FRY: variants seen among roughly 807,000 people sequenced by gnomAD.
FRY encodes protein furry homolog.
A neutral mutation model predicts 348.4 loss-of-function variants in FRY; 128 were observed. The ratio of observed to expected loss-of-function variants is 0.37; its 90% CI spans 0.32 to 0.43. The LOEUF is 0.43. Among genes scored for constraint, FRY ranks in the 20% least tolerant of loss-of-function variants. The pLI is 1.00. For synonymous variants in FRY, 1,370 were observed against 1,374.7 expected, an observed-to-expected ratio of 1.00 and a Z score of 0.08; for missense variants, 2,736 against 3,695.2, an observed-to-expected ratio of 0.74 and a Z score of 6.73.
At chr13:32,061,178 C>T (rs777187761) in intron 1 of FRY, 2 of 533,124 alleles carry the variant, frequency 3.8e-6, no homozygotes, top group Admixed American at 3.9e-5. Flanking sequence ...GTATGAAAGG[C>T]TGTTAATATG....
intron 24 of FRY, among the ~76,000 whole-genome samples, chr13:32,183,438 T>C (rs1299475849): frequency 1.3e-5 from 2 of 151,690 alleles, no homozygotes; most frequent in Admixed American, 1.3e-4. Context: ...TGAAGTGAAT[T>C]CTGAAAAGGA....
chr13:32,089,149 A>G (rs540210947), intron 2 of FRY, among the ~76,000 whole-genome samples: 2 of 152,326 alleles, frequency 1.3e-5, no homozygotes, highest in African/African-American at 4.8e-5. Flanking sequence ...AGCAATAGCA[A>G]GTTTTACTAT....
intron 3 of FRY, among the ~76,000 whole-genome samples, chr13:32,105,173 G>C (rs1047429239): frequency 1.3e-5 from 2 of 152,202 alleles, no homozygotes; most frequent in African/African-American, 4.8e-5. Flanking sequence ...GTATCAAGAG[G>C]TAGGGCCTTT....
intron 47 of FRY, among the ~76,000 whole-genome samples, chr13:32,246,862 A>G (rs756804144): frequency 6.6e-6 from 1 of 152,214 alleles, no homozygotes; most frequent in Non-Finnish European, 1.5e-5. Flanking sequence ...AAGTGAGAAG[A>G]AAAGAGGGCT....
chr13:32,201,852 G>A, intron 29 of FRY, 89 bp from the exon 30 acceptor site: 1 of 811,770 alleles, frequency 1.2e-6, no homozygotes, highest in Non-Finnish European at 2.2e-6. Context: ...ACCGAGGTCA[G>A]CATGCCAGCT....
At chr13:32,071,845 C>T (rs1253097532) in intron 1 of FRY, among the ~76,000 whole-genome samples, 1 of 151,766 alleles carries the variant, frequency 6.6e-6, no homozygotes, top group Non-Finnish European at 1.5e-5. Context: ...ATATTATACA[C>T]TTAAAAATTT....
chr13:32,122,131 A>C (rs1193798557), intron 4 of FRY, among the ~76,000 whole-genome samples: 1 of 152,150 alleles, frequency 6.6e-6, no homozygotes, highest in Non-Finnish European at 1.5e-5. Flanking sequence ...TCACATGTTC[A>C]TCCCAATAGA....
chr13:32,251,566 C>G (rs1566169456), intron 49 of FRY, among the ~76,000 whole-genome samples: 3 of 151,880 alleles, frequency 2.0e-5, no homozygotes, highest in Non-Finnish European at 4.4e-5. Context: ...CACTGTCCAG[C>G]AGAAACATAA....
chr13:32,253,466 T>A (rs546729329), intron 50 of FRY, among the ~76,000 whole-genome samples: 34 of 152,358 alleles, frequency 2.2e-4, no homozygotes, highest in African/African-American at 8.2e-4. Context: ...TTTTCTTTAA[T>A]ATCTATCTAT....
intron 30 of FRY, 88 bp downstream of exon 30, chr13:32,202,128 A>T (rs1219625234): frequency 4.5e-6 from 4 of 883,178 alleles, no homozygotes; most frequent in Non-Finnish European, 3.9e-6. Context: ...CTGTTTATTG[A>T]TAGGCCTTTG....
chr13:32,156,487 G>A (rs867820804), intron 15 of FRY, among the ~76,000 whole-genome samples: 7 of 151,626 alleles, frequency 4.6e-5, no homozygotes, highest in African/African-American at 1.5e-4. Context: ...TGTAATCCCA[G>A]CAACTTGGGA....
intron 28 of FRY, 114 bp from the exon 29 acceptor site, chr13:32,194,029 C>T (rs1440556240): frequency 1.9e-6 from 2 of 1,064,244 alleles, no homozygotes; most frequent in Non-Finnish European, 2.9e-6. Context: ...AAAATGAAAG[C>T]TCGGTCTTCC....
At chr13:32,168,838 A>G (rs1881896861) in intron 17 of FRY, among the ~76,000 whole-genome samples, 1 of 152,230 alleles carries the variant, frequency 6.6e-6, no homozygotes, top group African/African-American at 2.4e-5. Flanking sequence ...TTTATAAAAT[A>G]AGACAAGAGT....
At chr13:32,091,776 T>C (rs1210647055) in intron 2 of FRY, among the ~76,000 whole-genome samples, 1 of 152,224 alleles carries the variant, frequency 6.6e-6, no homozygotes, top group Non-Finnish European at 1.5e-5. Context: ...ATTTCACTGC[T>C]GCTGATATCA....
At chr13:32,261,072 A>G (rs566183802) in intron 51 of FRY, among the ~76,000 whole-genome samples, 1 of 152,352 alleles carries the variant, frequency 6.6e-6, no homozygotes, top group Non-Finnish European at 1.5e-5. Context: ...AGCTGCTCTG[A>G]TAGTCTTTAA....
intron 31 of FRY, among the ~76,000 whole-genome samples, chr13:32,205,164 C>T (rs150965186): frequency 0.011 from 1,497 of 139,298 alleles, 9 homozygotes; most frequent in Non-Finnish European, 0.016. Context: ...GATTGTGCTA[C>T]TGCACTCCAG....
At chr13:32,112,389 A>G (rs1878028693) in intron 3 of FRY, among the ~76,000 whole-genome samples, 1 of 152,198 alleles carries the variant, frequency 6.6e-6, no homozygotes, top group Non-Finnish European at 1.5e-5. Flanking sequence ...GTCCCATTTT[A>G]CAGCTGAGAA....
intron 1 of FRY, among the ~76,000 whole-genome samples, chr13:32,067,374 A>G (rs1874328361): frequency 6.6e-6 from 1 of 152,146 alleles, no homozygotes; most frequent in Non-Finnish European, 1.5e-5. Flanking sequence ...AATGTTAACA[A>G]AAGTCTTGAG....
intron 40 of FRY, among the ~76,000 whole-genome samples, chr13:32,229,458 C>A (rs1885789677): frequency 6.6e-6 from 1 of 152,204 alleles, no homozygotes; most frequent in Non-Finnish European, 1.5e-5. Context: ...TTTCTTTCCA[C>A]AATTCATGAT....
Sources: allele counts gnomAD v4.1 joint callset (sites outside exome capture counted in the v4.1 genomes callset), GRCh38; gene constraint gnomAD v4.1.1; transcripts MANE v1.5; gene names NCBI Gene and HGNC (gene_info 2026-07-23, HGNC 2026-07-21).